Variants in SCD5 observed in about 807,000 individuals in gnomAD.
The protein encoded by SCD5 is stearoyl-CoA desaturase 5.
A neutral mutation model predicts 30.4 loss-of-function variants in SCD5; 20 were observed. That is an observed-to-expected ratio of 0.66 (90% CI 0.46 to 0.96). The LOEUF is 0.96. Ranked by LOEUF, SCD5 falls within the 40% of genes least tolerant of loss-of-function variation. The pLI, the probability that SCD5 is intolerant of heterozygous loss-of-function variation, is 0.00. For synonymous variants in SCD5, 173 were observed against 176.4 expected (o/e 0.98, Z 0.16); for missense variants, 381 against 443.3 (o/e 0.86, Z 1.26).
At chr4:82,758,255 G>A (rs1223774846) in intron 1 of SCD5, among the ~76,000 whole-genome samples, 1 of 152,138 alleles carries the variant, frequency 6.6e-6, no homozygotes, top group African/African-American at 2.4e-5. Context: ...TTGAGGCCAG[G>A]AGTTGAACAC....
intron 1 of SCD5, among the ~76,000 whole-genome samples, chr4:82,713,323 G>A (rs2148829987): frequency 7.5e-6 from 1 of 133,744 alleles, no homozygotes; most frequent in South Asian, 2.4e-4. Flanking sequence ...TTGATTTACA[G>A]CTTATATAGC....
intron 1 of SCD5, among the ~76,000 whole-genome samples, chr4:82,707,860 T>G (rs1034913443): frequency 2.0e-5 from 3 of 152,238 alleles, no homozygotes; most frequent in Non-Finnish European, 4.4e-5. Context: ...AGGATCCAGC[T>G]AAGCTGTACC....
At chr4:82,754,850 C>T (rs1302797585) in intron 1 of SCD5, among the ~76,000 whole-genome samples, 1 of 152,128 alleles carries the variant, frequency 6.6e-6, no homozygotes, top group Non-Finnish European at 1.5e-5. Context: ...CTTATATCGG[C>T]AGAAGTGACA....
chr4:82,754,512 C>T (rs776349899), intron 1 of SCD5, among the ~76,000 whole-genome samples: 3 of 152,114 alleles, frequency 2.0e-5, no homozygotes, highest in Non-Finnish European at 4.4e-5. Context: ...CCAGGCTCCC[C>T]CCAGGACCCA....
intron 1 of SCD5, among the ~76,000 whole-genome samples, chr4:82,738,794 G>A (rs147310289): frequency 1.6e-4 from 25 of 152,306 alleles, no homozygotes; most frequent in African/African-American, 5.8e-4. Context: ...TATTATTACA[G>A]TTGGCACTTG....
intron 1 of SCD5, among the ~76,000 whole-genome samples, chr4:82,773,409 T>G (rs1170481924): frequency 6.6e-6 from 1 of 152,138 alleles, no homozygotes; most frequent in African/African-American, 2.4e-5. Flanking sequence ...AGGCTCCAAG[T>G]AGCACACATC....
chr4:82,642,238 G>A (rs1578001877), intron 3 of SCD5, among the ~76,000 whole-genome samples: 1 of 152,240 alleles, frequency 6.6e-6, no homozygotes, highest in East Asian at 1.9e-4. Context: ...TACAGCATGG[G>A]CAGGTTTCAA....
intron 1 of SCD5, among the ~76,000 whole-genome samples, chr4:82,712,560 C>T (rs975070039): frequency 6.6e-6 from 1 of 151,692 alleles, no homozygotes; most frequent in Admixed American, 6.6e-5. Flanking sequence ...TTGTGAGCTG[C>T]CCGCCTTGGC....
intron 1 of SCD5, among the ~76,000 whole-genome samples, chr4:82,758,296 T>A (rs950695256): frequency 1.3e-5 from 2 of 151,758 alleles, no homozygotes; most frequent in Admixed American, 6.6e-5. Flanking sequence ...GATCCCTGTC[T>A]CTCCAAAAAC....
rs1219309507 is a variant in SCD5 at position 82,771,449 on chromosome 4, CA to C, written c.232+26856del. On this transcript the variant is annotated intron_variant, in intron 1 of 4. Coordinates refer to ENST00000319540, the MANE Select transcript of SCD5 (RefSeq NM_001037582.3). ...AAGAAGAAAAGAAAGAAACTAATTT[CA>C]TTAAGGACCCACCAACGGTGTAGGA... Among the ~76,000 whole-genome samples, 6 of 152,322 alleles carry C rather than the reference CA, an allele frequency of 3.9e-5. 1 individual carries two copies. In the Middle Eastern group the frequency reaches 0.014, roughly 345 times the overall value.
chr4:82,739,830 A>C (rs915397411), intron 1 of SCD5, among the ~76,000 whole-genome samples: 1 of 152,234 alleles, frequency 6.6e-6, no homozygotes, highest in Admixed American at 6.5e-5. Flanking sequence ...AGAGAGGCAT[A>C]TATCTGTTCT....
chr4:82,719,099 T>A (rs945319050), intron 1 of SCD5, among the ~76,000 whole-genome samples: 13 of 151,740 alleles, frequency 8.6e-5, no homozygotes, highest in African/African-American at 3.2e-4. Context: ...AAAAAACTGA[T>A]CCAACAATTA....
chr4:82,633,518 A>G (rs1727363729), intron 4 of SCD5, among the ~76,000 whole-genome samples: 2 of 152,200 alleles, frequency 1.3e-5, no homozygotes, highest in Non-Finnish European at 2.9e-5. Context: ...TTGCGAGATC[A>G]TATGGTAGCT....
At chr4:82,703,657 AT>A (rs1719906048) in intron 2 of SCD5, among the ~76,000 whole-genome samples, 1 of 152,358 alleles carries the variant, frequency 6.6e-6, no homozygotes, top group East Asian at 1.9e-4. Context: ...AGGTTTTCAA[AT>A]TTTGAGTTAT....
At chr4:82,730,585 C>CTTT (rs397935360) in intron 1 of SCD5, among the ~76,000 whole-genome samples, 6,976 of 114,590 alleles carry the variant, frequency 0.061, 487 homozygotes, top group East Asian at 0.17. Context: ...TTTTTCCCTT[C>CTTT]TTTTTTTTTT....
intron 1 of SCD5, 67 bp from the exon 2 acceptor site, chr4:82,705,480 T>C: frequency 6.3e-7 from 1 of 1,590,692 alleles, no homozygotes; most frequent in Non-Finnish European, 8.6e-7. Context: ...CCCATGCTTT[T>C]TCTCTCCTGA....
intron 1 of SCD5, among the ~76,000 whole-genome samples, chr4:82,728,812 C>G (rs1720563956): frequency 1.3e-5 from 2 of 152,142 alleles, no homozygotes; most frequent in Admixed American, 1.3e-4. Context: ...ACGCTCATGT[C>G]AATTAAACTC....
At chr4:82,724,842 T>C (rs1266716105) in intron 1 of SCD5, among the ~76,000 whole-genome samples, 1 of 152,228 alleles carries the variant, frequency 6.6e-6, no homozygotes, top group Non-Finnish European at 1.5e-5. Context: ...GATACGAACC[T>C]AGACATTTAG....
chr4:82,765,377 C>T (rs1024686766), intron 1 of SCD5, among the ~76,000 whole-genome samples: 1 of 151,948 alleles, frequency 6.6e-6, no homozygotes, highest in African/African-American at 2.4e-5. Flanking sequence ...TGTTTTTTTC[C>T]TCTGTCTATA....
Sources: gnomAD v4.1 joint callset for allele counts (sites outside exome capture counted in the v4.1 genomes callset) on GRCh38, gnomAD v4.1.1 for gene constraint, MANE v1.5 for transcripts, NCBI Gene and HGNC (gene_info 2026-07-23, HGNC 2026-07-21) for gene names.